The following CDH18 variants were observed in gnomAD, a reference collection of about 807,000 sequenced individuals.
CDH18 encodes the protein cadherin-18.
Under a neutral mutation model 67.9 loss-of-function variants are expected in CDH18, and 31 were observed. That is an observed-to-expected ratio of 0.46 (90% CI 0.34 to 0.62). The LOEUF (loss-of-function observed/expected upper bound fraction) is 0.62, where lower values mean the gene tolerates loss of function less well. CDH18 is among the 20% of genes least tolerant of loss of function. The pLI is 0.01. For synonymous variants in CDH18, 362 were observed against 347.2 expected (o/e 1.04, Z -0.48); for missense variants, 890 against 975.5 (o/e 0.91, Z 1.17).
intron 5 of CDH18, among the ~76,000 whole-genome samples, chr5:19,719,947 A>AAGAG (rs1554014207): frequency 1.6e-4 from 24 of 151,550 alleles, no homozygotes; most frequent in African/African-American, 5.6e-4. Context: ...GAAAGAAAGA[A>AAGAG]AGAAAGAAAG....
intron 1 of CDH18, among the ~76,000 whole-genome samples, chr5:20,363,167 G>A (rs1049782380): frequency 2.6e-5 from 4 of 152,012 alleles, no homozygotes; most frequent in African/African-American, 4.8e-5. Context: ...AAATGCATTC[G>A]GATTATGTTA....
intron 1 of CDH18, among the ~76,000 whole-genome samples, chr5:20,523,390 T>C (rs1417655650): frequency 6.6e-6 from 1 of 152,166 alleles, no homozygotes; most frequent in Non-Finnish European, 1.5e-5. Context: ...TCTCTGCACA[T>C]CTCAGTTTAG....
At chr5:20,408,646 C>A (rs1459031857) in intron 1 of CDH18, among the ~76,000 whole-genome samples, 3 of 151,454 alleles carry the variant, frequency 2.0e-5, no homozygotes, top group Non-Finnish European at 4.4e-5. Flanking sequence ...AATAAAAATA[C>A]AAAGCAAGAC....
At chr5:20,077,359 A>C (rs1744041435) in intron 2 of CDH18, among the ~76,000 whole-genome samples, 1 of 152,190 alleles carries the variant, frequency 6.6e-6, no homozygotes, top group Non-Finnish European at 1.5e-5. Context: ...GACCAGACAA[A>C]TTGTCGTGCT....
intron 2 of CDH18, among the ~76,000 whole-genome samples, chr5:20,039,003 G>A (rs1740155602): frequency 6.6e-6 from 1 of 151,966 alleles, no homozygotes; most frequent in African/African-American, 2.4e-5. Context: ...AAGTCTCAGG[G>A]TACAAAATCA....
At chr5:19,911,488 G>T (rs1318956286) in intron 2 of CDH18, among the ~76,000 whole-genome samples, 1 of 151,978 alleles carries the variant, frequency 6.6e-6, no homozygotes, top group Non-Finnish European at 1.5e-5. Context: ...ACTGCCAATT[G>T]GATGATATTT....
intron 5 of CDH18, among the ~76,000 whole-genome samples, chr5:19,660,941 C>A (rs1264520294): frequency 1.3e-5 from 2 of 149,234 alleles, no homozygotes; most frequent in Admixed American, 1.3e-4. Flanking sequence ...ATTTGTTAAG[C>A]AACAATAGAA....
chr5:20,028,608 A>T (rs1739120959), intron 2 of CDH18, among the ~76,000 whole-genome samples: 1 of 152,160 alleles, frequency 6.6e-6, no homozygotes, highest in Non-Finnish European at 1.5e-5. Flanking sequence ...TGGATGCCTG[A>T]AACCTCAGAT....
chr5:20,270,689 T>C (rs1372367825), intron 1 of CDH18, among the ~76,000 whole-genome samples: 1 of 152,094 alleles, frequency 6.6e-6, no homozygotes, highest in East Asian at 1.9e-4. Flanking sequence ...CACATGTATG[T>C]TCATTACAGC....
intron 1 of CDH18, among the ~76,000 whole-genome samples, chr5:20,301,781 T>C (rs1735937147): frequency 6.4e-5 from 5 of 77,664 alleles, no homozygotes; most frequent in African/African-American, 2.4e-4. Context: ...GTTTGCTCTT[T>C]CTTTTTTCTT....
intron 3 of CDH18, among the ~76,000 whole-genome samples, chr5:19,795,690 A>G (rs1776783370): frequency 6.6e-6 from 1 of 152,130 alleles, no homozygotes; most frequent in South Asian, 2.1e-4. Context: ...CTAAAAAGAA[A>G]ATCACCTACT....
intron 1 of CDH18, among the ~76,000 whole-genome samples, chr5:20,311,536 A>G (rs952435846): frequency 6.6e-6 from 1 of 152,170 alleles, no homozygotes; most frequent in African/African-American, 2.4e-5. Context: ...TCAGCAAACT[A>G]TCGCTAGAAC....
intron 2 of CDH18, among the ~76,000 whole-genome samples, chr5:19,942,402 C>A (rs1794912477): frequency 2.6e-5 from 4 of 152,134 alleles, no homozygotes; most frequent in Non-Finnish European, 2.9e-5. Flanking sequence ...AGAATGCTAC[C>A]ATTTAGAAGT....
At chr5:19,790,567 G>C (rs1432299909) in intron 3 of CDH18, among the ~76,000 whole-genome samples, 1 of 152,148 alleles carries the variant, frequency 6.6e-6, no homozygotes, top group African/African-American at 2.4e-5. Context: ...AAGAGATAAA[G>C]AGAAAGTAGA....
At chr5:20,111,542 CTTTCTTTTT>C (rs1747467451) in intron 2 of CDH18, among the ~76,000 whole-genome samples, 1 of 100,028 alleles carries the variant, frequency 1.0e-5, no homozygotes, top group Non-Finnish European at 2.1e-5. Flanking sequence ...TTCCTTCCTT[CTTTCTTTTT>C]TTTTTTTTTT....
intron 4 of CDH18, among the ~76,000 whole-genome samples, chr5:19,737,614 G>GC (rs1226602381): frequency 2.6e-5 from 4 of 151,978 alleles, no homozygotes; most frequent in Admixed American, 1.3e-4. Flanking sequence ...CCAAAATTAT[G>GC]CCCCCCTACC....
At chr5:19,900,127 G>A (rs1789783347) in intron 2 of CDH18, among the ~76,000 whole-genome samples, 1 of 152,028 alleles carries the variant, frequency 6.6e-6, no homozygotes, top group Non-Finnish European at 1.5e-5. Flanking sequence ...GATGTTAAAC[G>A]AAATAAGCAG....
At chr5:20,341,816 A>C (rs1465199339) in intron 1 of CDH18, among the ~76,000 whole-genome samples, 2 of 152,012 alleles carry the variant, frequency 1.3e-5, no homozygotes, top group African/African-American at 4.8e-5. Context: ...TTAGAGAGTC[A>C]TGCAAAAAAA....
intron 2 of CDH18, among the ~76,000 whole-genome samples, chr5:20,006,337 G>A (rs775475166): frequency 7.2e-5 from 11 of 151,820 alleles, no homozygotes; most frequent in Non-Finnish European, 1.6e-4. Context: ...CACACGTTAT[G>A]AGAATAATAA....
Sources: gnomAD v4.1 joint callset for allele counts (sites outside exome capture counted in the v4.1 genomes callset) on GRCh38, gnomAD v4.1.1 for gene constraint, MANE v1.5 for transcripts, NCBI Gene and HGNC (gene_info 2026-07-23, HGNC 2026-07-21) for gene names.